The following TECRL variants were observed in gnomAD, a reference collection of about 807,000 sequenced individuals.
TECRL encodes the protein trans-2,3-enoyl-CoA reductase-like.
A neutral mutation model predicts 52.8 loss-of-function variants in TECRL; 63 were observed. That is an observed-to-expected ratio of 1.19 (90% CI 0.97 to 1.47). TECRL has a LOEUF of 1.47. TECRL is among the 40% of genes most tolerant of loss of function. The pLI, the probability that TECRL is intolerant of heterozygous loss-of-function variation, is 0.00. For missense variants in TECRL, 482 were observed against 429.6 expected, an observed-to-expected ratio of 1.12 and a Z score of -1.08; for synonymous variants, 164 against 141.9, an observed-to-expected ratio of 1.16 and a Z score of -1.10.
chr4:64,396,902 G>A (rs1479815004), intron 1 of TECRL, among the ~76,000 whole-genome samples: 2 of 152,032 alleles, frequency 1.3e-5, no homozygotes, highest in Non-Finnish European at 2.9e-5. Flanking sequence ...ACTATTAAGT[G>A]AATAGGAAGC....
At chr4:64,328,474 T>C in intron 3 of TECRL, 38 bp downstream of exon 3, 1 of 1,568,102 alleles carries the variant, frequency 6.4e-7, no homozygotes, top group South Asian at 1.1e-5. Context: ...AAAGGGATTA[T>C]AAATTAAATA....
At chr4:64,338,267 A>T (rs1033662797) in intron 2 of TECRL, among the ~76,000 whole-genome samples, 4 of 152,232 alleles carry the variant, frequency 2.6e-5, no homozygotes, top group African/African-American at 9.6e-5. Flanking sequence ...CTTACACCTT[A>T]TACAAAAATT....
intron 1 of TECRL, among the ~76,000 whole-genome samples, chr4:64,406,158 G>A (rs1344009747): frequency 1.6e-3 from 67 of 42,858 alleles, no homozygotes; most frequent in African/African-American, 2.5e-3. Flanking sequence ...GCGCGCGCGC[G>A]CGCGCGCGTG....
At chr4:64,297,241 A>G (rs1723739448) in intron 8 of TECRL, among the ~76,000 whole-genome samples, 1 of 151,398 alleles carries the variant, frequency 6.6e-6, no homozygotes. Flanking sequence ...AAATAGATTA[A>G]TCTGACATGG....
chr4:64,397,908 G>GTGTT (rs1438130584), intron 1 of TECRL: 2 of 151,928 alleles, frequency 1.3e-5, no homozygotes, highest in African/African-American at 4.8e-5. Flanking sequence ...ATGTGTGTGT[G>GTGTT]TGTGTGTGTG....
At chr4:64,328,579 T>A (rs748159004) in intron 2 of TECRL, 23 bp from the exon 3 acceptor site, 7 of 1,603,554 alleles carry the variant, frequency 4.4e-6, no homozygotes, top group Non-Finnish European at 6.0e-6. Flanking sequence ...AAATAACATT[T>A]AATTGTCAGA....
At chr4:64,324,464 C>T (rs556600172) in intron 3 of TECRL, among the ~76,000 whole-genome samples, 4 of 151,950 alleles carry the variant, frequency 2.6e-5, no homozygotes, top group African/African-American at 9.6e-5. Context: ...CATTAAAAGG[C>T]ATCATTCCAG....
At chr4:64,339,736 AC>A (rs1719416207) in intron 2 of TECRL, among the ~76,000 whole-genome samples, 1 of 151,978 alleles carries the variant, frequency 6.6e-6, no homozygotes, top group South Asian at 2.1e-4. Flanking sequence ...GAAATGCACT[AC>A]CCCCAAACTA....
intron 2 of TECRL, among the ~76,000 whole-genome samples, chr4:64,353,610 A>G (rs1720550889): frequency 6.6e-6 from 1 of 152,258 alleles, no homozygotes; most frequent in African/African-American, 2.4e-5. Context: ...AAAGAGAAGA[A>G]CAAGCTCAAG....
intron 1 of TECRL, among the ~76,000 whole-genome samples, chr4:64,390,310 T>A (rs1723464095): frequency 6.6e-6 from 1 of 151,950 alleles, no homozygotes; most frequent in Non-Finnish European, 1.5e-5. Context: ...CTGTGTTCCC[T>A]CTCTGGGCAT....
intron 2 of TECRL, among the ~76,000 whole-genome samples, chr4:64,355,624 G>T (rs190072278): frequency 1.3e-5 from 2 of 151,380 alleles, no homozygotes; most frequent in Non-Finnish European, 2.9e-5. Flanking sequence ...CAGTGAAACC[G>T]AGTCTCTACT....
Position 64,345,907 on chromosome 4 carries a change from CAA to C in TECRL, c.287-17353_287-17352del, listed in dbSNP as rs777171822. Among the ~76,000 whole-genome samples the C allele has an allele frequency of 5.1e-3, 120 of 23,334 alleles. 1 individual carries two copies. The highest frequency in any genetic ancestry group is 0.021 in the African/African-American group (113 of 5,332). 15.3% of individuals were successfully genotyped at this position (23,334 alleles called of 152,430 possible). The stretch of plus-strand genomic sequence containing the variant: ...CCAACACTGATGGGTGCCTCAACAG[CAA>C]AAAAAAAAAAAAAAAAAAAAAACAT... On this transcript the variant is annotated intron_variant, in intron 2 of 11. Transcript: ENST00000381210.
intron 7 of TECRL, among the ~76,000 whole-genome samples, chr4:64,303,410 T>G (rs372913137): frequency 6.6e-6 from 1 of 151,682 alleles, no homozygotes. Context: ...ATATGCTCAT[T>G]TTTGTGAAGG....
chr4:64,375,876 G>T (rs1722363082), intron 1 of TECRL, among the ~76,000 whole-genome samples: 1 of 151,596 alleles, frequency 6.6e-6, no homozygotes, highest in African/African-American at 2.4e-5. Flanking sequence ...AAATTATTGA[G>T]GACTAAAGTT....
At chr4:64,345,449 G>A (rs188422132) in intron 2 of TECRL, among the ~76,000 whole-genome samples, 236 of 149,182 alleles carry the variant, frequency 1.6e-3, no homozygotes, top group African/African-American at 5.4e-3. Flanking sequence ...CTATCACAAC[G>A]GCAAAAAACC....
chr4:64,299,943 G>T (rs11935568), intron 8 of TECRL, 31 bp downstream of exon 8: 1 of 1,425,268 alleles, frequency 7.0e-7, no homozygotes, highest in African/African-American at 1.4e-5. Context: ...AAATTAGAGC[G>T]TGAATAGCAA....
intron 2 of TECRL, among the ~76,000 whole-genome samples, chr4:64,329,555 G>A (rs958808133): frequency 1.3e-5 from 2 of 151,754 alleles, no homozygotes; most frequent in Non-Finnish European, 3.0e-5. Flanking sequence ...ACCTTCTAAA[G>A]TCTATTATGT....
intron 2 of TECRL, among the ~76,000 whole-genome samples, chr4:64,361,111 T>G (rs972806711): frequency 6.6e-6 from 1 of 152,102 alleles, no homozygotes; most frequent in African/African-American, 2.4e-5. Context: ...TCAGCATGAC[T>G]GCACCCACTT....
At chr4:64,375,248 TA>T (rs781298569) in intron 1 of TECRL, 25 bp from the exon 2 acceptor site, 11 of 1,255,854 alleles carry the variant, frequency 8.8e-6, no homozygotes, top group South Asian at 1.9e-5. Flanking sequence ...AAAATAGAGT[TA>T]TTTTTAAAAA....
Sources: allele counts gnomAD v4.1 joint callset (sites outside exome capture counted in the v4.1 genomes callset), GRCh38; gene constraint gnomAD v4.1.1; transcripts MANE v1.5; gene names NCBI Gene and HGNC (gene_info 2026-07-23, HGNC 2026-07-21).